BTNL9: variants seen among roughly 807,000 people sequenced by gnomAD.
BTNL9 encodes the protein butyrophilin like 9.
Under a neutral mutation model 45.8 loss-of-function variants are expected in BTNL9, and 45 were observed. The ratio of observed to expected loss-of-function variants is 0.98; its 90% CI spans 0.77 to 1.26. BTNL9 has a LOEUF of 1.26. Among genes scored for constraint, BTNL9 ranks in the 50% most tolerant of loss-of-function variants. The pLI, the probability that BTNL9 is intolerant of heterozygous loss-of-function variation, is 0.00. For synonymous variants in BTNL9, 346 were observed against 330.8 expected (o/e 1.05, Z -0.50); for missense variants, 784 against 729.7 (o/e 1.07, Z -0.86).
intron 2 of BTNL9, chr5:181,047,444 G>A: frequency 1.0e-6 from 1 of 974,530 alleles, no homozygotes; most frequent in Non-Finnish European, 1.2e-6. Flanking sequence ...AATCAGACAA[G>A]CAAAAATGAG....
At chr5:181,044,690 G>A (rs1213672028) in intron 1 of BTNL9, among the ~76,000 whole-genome samples, 2 of 152,228 alleles carry the variant, frequency 1.3e-5, no homozygotes, top group East Asian at 3.8e-4. Flanking sequence ...ACACTCTCTG[G>A]CCGTGAGTCA....
Position 181,045,649 on chromosome 5 carries a change from C to T in BTNL9, c.109+51C>T. ...CAGGATGTGAACGCCACCCCTCCTG[C>T]CAGGTGCTCCCCAGGGCTACGATCT... On this transcript the variant is annotated intron_variant, in intron 2 of 10. Transcript: ENST00000327705. The T allele has an allele frequency of 2.1e-6, 3 of 1,406,778 alleles. No homozygotes were observed. The East Asian group carries it at 6.8e-5, about 32-fold the overall frequency. 87.1% of individuals were successfully genotyped at this position (1,406,778 alleles called of 1,614,324 possible). A position where few individuals can be genotyped will look rare whatever the true frequency, so the allele number is the denominator to read the frequency against.
At chr5:181,045,653 G>C (rs1055058836) in intron 2 of BTNL9, 55 bp downstream of exon 2, 104 of 1,385,336 alleles carry the variant, frequency 7.5e-5, no homozygotes, top group Non-Finnish European at 1.0e-4. Flanking sequence ...CTCCTGCCAG[G>C]TGCTCCCCAG....
Position 181,053,487 on chromosome 5 carries a change from C to A in BTNL9, c.872C>A (p.Ala291Glu), listed in dbSNP as rs753803664. The change falls in exon 6 of 11, where the codon GCG becomes GAG. Residue 291 changes from alanine to glutamate, a missense_variant. Physicochemically the swap from Ala to Glu is moderately radical, Grantham distance 107 (BLOSUM62 -1). Transcript: ENST00000327705. The surrounding 1 kb of genome is among the most constrained non-coding windows in gnomAD (Gnocchi z 6.5). ...CCTTCAGAAAAGCTGAGGAAGCAGG[C>A]GGAGAAGAGACAAGGTGAGCGGGGA... Reference protein sequence around the residue: ...RRSREKLRKQAEKRQEKLTAE... With the variant: ...RRSREKLRKQEEKRQEKLTAE... The A allele has an allele frequency of 3.8e-6, 6 of 1,578,608 alleles. No individual in the cohort carries two copies. The East Asian group carries it at 1.2e-4, about 30-fold the overall frequency.
rs779309462 is a variant in BTNL9 at position 181,050,099 on chromosome 5, G to C, written c.466G>C (p.Asp156His). 2 of 1,613,728 alleles carry C rather than the reference G, an allele frequency of 1.2e-6. No individual in the cohort carries two copies. Among genetic ancestry groups the C allele is most frequent in the Admixed American group, 1.7e-5 (1 of 60,024 alleles). Residue 156 changes from aspartate to histidine, a missense_variant, in exon 4 of 11, where the codon GAC (aspartate) becomes CAC (histidine). Physicochemically the swap from Asp to His is moderately conservative, Grantham distance 81. Coordinates refer to ENST00000327705, the MANE Select transcript of BTNL9 (RefSeq NM_152547.5). The surrounding 1 kb of genome is among the most constrained non-coding windows in gnomAD (Gnocchi z 4.9). ...WELEVAGLGS[D>H]PHLSLEGFKE... ...CCTGCCTCCACCAGGGCTGGGCTCA[G>C]ACCCTCACCTCTCCCTTGAGGGCTT...
chr5:181,047,493 A>G (rs1276525284), intron 2 of BTNL9: 6 of 992,050 alleles, frequency 6.0e-6, no homozygotes, highest in African/African-American at 1.7e-5. Context: ...TATCACCATC[A>G]GCAATTTGAT....
intron 4 of BTNL9, among the ~76,000 whole-genome samples, chr5:181,051,360 T>C: frequency 6.6e-6 from 1 of 152,220 alleles, no homozygotes; most frequent in South Asian, 2.1e-4. Context: ...GCTATTTTAT[T>C]ATAACAGAAA....
At chr5:181,048,476 C>T (rs545262704) in intron 3 of BTNL9, among the ~76,000 whole-genome samples, 5 of 151,998 alleles carry the variant, frequency 3.3e-5, no homozygotes, top group East Asian at 1.9e-4. Flanking sequence ...TGAAAAGGGC[C>T]GGGTACAGTG....
chr5:181,054,118 C>G, intron 6 of BTNL9, 121 bp from the exon 7 acceptor site: 1 of 1,559,990 alleles, frequency 6.4e-7, no homozygotes, highest in East Asian at 2.4e-5. Flanking sequence ...CAGACCACCG[C>G]GGGTGGGAGT....
chr5:181,058,219 A>G, intron 9 of BTNL9, 133 bp from the exon 10 acceptor site: 1 of 1,100,522 alleles, frequency 9.1e-7, no homozygotes, highest in African/African-American at 1.6e-5. Context: ...GTCTGGATTC[A>G]AACCAGTTGT....
chr5:181,059,892 G>GC lies in BTNL9; in HGVS notation c.*30_*31insC. The GC allele has an allele frequency of 7.3e-7, 1 of 1,363,016 alleles. No individual in the cohort carries two copies. The allele number at this position is 1,363,016 out of a possible 1,614,324, so 84.4% of individuals were successfully genotyped here. On this transcript the variant is annotated 3_prime_UTR_variant, in exon 11 of 11. Transcript: ENST00000327705. ...CCCTCGTGGCCGCGGGACTGGCCCCGGGGGGCCCCCTGGATCCCAGGCCAG... is the reference window on the plus strand; with the variant it reads ...CCCTCGTGGCCGCGGGACTGGCCCCGCGGGGGCCCCCTGGATCCCAGGCCAG...
chr5:181,050,138 A>T lies in BTNL9; in HGVS notation c.505A>T (p.Ile169Phe). Residue 169 changes from isoleucine (I) to phenylalanine (F), a missense_variant, in exon 4 of 11, where the codon ATT (isoleucine) becomes TTT (phenylalanine). Ile to Phe is a conservative substitution (Grantham distance 21, BLOSUM62 0). Transcript: ENST00000327705. This position sits in a 1 kb window ranked among gnomAD's most constrained non-coding sequence, Gnocchi z 4.9. ...LSLEGFKEGG[I>F]QLRLRSSGWY... is the part of the protein sequence containing the mutation. ...CCTTGAGGGCTTCAAGGAAGGAGGC[A>T]TTCAGCTGAGGCTCAGATCCAGTGG... The T allele has an allele frequency of 6.2e-7, 1 of 1,614,116 alleles. No individual in the cohort carries two copies. Among genetic ancestry groups the T allele is most frequent in the Non-Finnish European group, 8.5e-7 (1 of 1,180,030 alleles).
In BTNL9 at chr5:181,048,225, CT is replaced by C; in HGVS notation, c.409del (p.Ser137ProfsTer14). 1 of 1,612,732 alleles carries C rather than the reference CT, an allele frequency of 6.2e-7. No homozygotes were observed. The highest frequency in any genetic ancestry group is 8.5e-7 in the Non-Finnish European group (1 of 1,179,542). ...DKGTYGCRFH[S>X]DNFSGEALWE... ...AGGGCACATATGGCTGCCGCTTCCA[CT>C]CCGACAACTTCTCTGGCGAAGCTCT... On this transcript the variant is annotated frameshift_variant, in exon 3 of 11. Coordinates refer to ENST00000327705, the MANE Select transcript of BTNL9 (RefSeq NM_152547.5). LOFTEE classifies it high-confidence loss of function.
chr5:181,053,971 T>G lies in BTNL9; in HGVS notation c.887-268T>G. ...TAACGTTTCCGCCGAGCTAATAGAT[T>G]TGGGAGGCTCCGACCCTGATTTTCA... On this transcript the variant is annotated intron_variant, in intron 6 of 10. Transcript: ENST00000327705. The surrounding 1 kb of genome is among the most constrained non-coding windows in gnomAD (Gnocchi z 6.5). 6.5e-7 allele frequency: 1 copy of G among 1,528,532 alleles called. No individual in the cohort carries two copies. Among genetic ancestry groups the G allele is most frequent in the Non-Finnish European group, 8.8e-7 (1 of 1,142,160 alleles). The allele number at this position is 1,528,532 out of a possible 1,614,324, so 94.7% of individuals were successfully genotyped here. A position where few individuals can be genotyped will look rare whatever the true frequency, so the allele number is the denominator to read the frequency against.
intron 4 of BTNL9, among the ~76,000 whole-genome samples, chr5:181,052,152 A>G (rs1308719410): frequency 1.3e-5 from 2 of 152,188 alleles, no homozygotes; most frequent in Admixed American, 1.3e-4. Flanking sequence ...TGTACCATAC[A>G]ATAAAAATGC....
chr5:181,056,508 C>A, intron 9 of BTNL9: 1 of 716,080 alleles, frequency 1.4e-6, no homozygotes, highest in Non-Finnish European at 2.6e-6. Context: ...CACTCGTGTG[C>A]ATTCAGTCTG....
chr5:181,050,467 G>C lies in BTNL9; in HGVS notation c.736+98G>C. On this transcript the variant is annotated intron_variant, in intron 4 of 10. Coordinates refer to ENST00000327705, the MANE Select transcript of BTNL9 (RefSeq NM_152547.5). The surrounding 1 kb of genome is among the most constrained non-coding windows in gnomAD (Gnocchi z 4.9). ...ATAAAGACACAATGGTACTGCGCCT[G>C]TCTGCATATAGGGTGTGTTGGCCTT... The C allele has an allele frequency of 7.1e-7, 1 of 1,410,590 alleles. No homozygotes were observed. The highest frequency in any genetic ancestry group is 9.8e-7 in the Non-Finnish European group (1 of 1,023,878). 87.4% of individuals were successfully genotyped at this position (1,410,590 alleles called of 1,614,324 possible).
intron 3 of BTNL9, among the ~76,000 whole-genome samples, chr5:181,049,627 A>G (rs1282003363): frequency 1.3e-5 from 2 of 152,206 alleles, no homozygotes; most frequent in East Asian, 3.8e-4. Context: ...ATTGGCATTT[A>G]TGCCACATTA....
At position 181,055,092 on chromosome 5, in the gene BTNL9, T is replaced by G; in HGVS notation, c.908-341T>G. On this transcript the variant is annotated intron_variant, in intron 7 of 10. Coordinates refer to ENST00000327705, the MANE Select transcript of BTNL9 (RefSeq NM_152547.5). This position sits in a 1 kb window ranked among gnomAD's most constrained non-coding sequence, Gnocchi z 4.4. ...GCTCACGTAGGCGGCCCTCAGTGCC[T>G]GCACTTAGGCGGGAGCTCCGCCCCA... 8.9e-7 allele frequency: 1 copy of G among 1,122,110 alleles called. No homozygotes were observed. Among genetic ancestry groups the G allele is most frequent in the African/African-American group, 1.6e-5 (1 of 61,776 alleles). The allele number at this position is 1,122,110 out of a possible 1,614,324, so 69.5% of individuals were successfully genotyped here.
Sources: allele counts gnomAD v4.1 joint callset (sites outside exome capture counted in the v4.1 genomes callset), GRCh38; gene constraint gnomAD v4.1.1; non-coding constraint Gnocchi (gnomAD v3.1); transcripts MANE v1.5; gene names NCBI Gene and HGNC (gene_info 2026-07-23, HGNC 2026-07-21).